The following COL21A1 variants were observed in gnomAD, a reference collection of about 807,000 sequenced individuals.
The protein encoded by COL21A1 is collagen alpha-1(XXI) chain.
Under a neutral mutation model 137.9 loss-of-function variants are expected in COL21A1, and 149 were observed. The ratio of observed to expected loss-of-function variants is 1.08; its 90% confidence interval spans 0.95 to 1.24. The LOEUF is 1.24. Among genes scored for constraint, COL21A1 ranks in the 50% most tolerant of loss-of-function variants. COL21A1 has a pLI of 0.00. For synonymous variants in COL21A1, 456 were observed against 391.5 expected (o/e 1.16, Z -1.95); for missense variants, 1,167 against 1,158.4 (o/e 1.01, Z -0.11).
intron 1 of COL21A1, among the ~76,000 whole-genome samples, chr6:56,242,814 A>T (rs1782413831): frequency 1.3e-5 from 2 of 152,182 alleles, no homozygotes; most frequent in African/African-American, 4.8e-5. Context: ...GTGCTCTTTA[A>T]TTAAAGAAAT....
At chr6:56,188,255 G>A (rs1221368832) in intron 1 of COL21A1, among the ~76,000 whole-genome samples, 1 of 152,108 alleles carries the variant, frequency 6.6e-6, no homozygotes, top group Non-Finnish European at 1.5e-5. Context: ...TTAAACTATG[G>A]CCAATGATTT....
intron 16 of COL21A1, 148 bp downstream of exon 16, chr6:56,123,914 T>A (rs1313228218): frequency 6.1e-6 from 4 of 651,398 alleles, no homozygotes; most frequent in Non-Finnish European, 1.0e-5. Context: ...GTAGCATTTT[T>A]AAATTACACG....
At chr6:56,117,052 C>A (rs1771998004) in intron 16 of COL21A1, among the ~76,000 whole-genome samples, 2 of 151,918 alleles carry the variant, frequency 1.3e-5, no homozygotes, top group African/African-American at 4.8e-5. Context: ...GACCAAAATA[C>A]AACCAGAAAA....
At chr6:56,061,577 T>C (rs1359753002) in intron 25 of COL21A1, 72 bp downstream of exon 25, 4 of 934,336 alleles carry the variant, frequency 4.3e-6, no homozygotes, top group Non-Finnish European at 6.4e-6. Flanking sequence ...GCTAGATTTA[T>C]ATAGTATTGA....
chr6:56,376,096 C>G (rs1271426949), intron 1 of COL21A1, among the ~76,000 whole-genome samples: 1 of 152,110 alleles, frequency 6.6e-6, no homozygotes, highest in African/African-American at 2.4e-5. Flanking sequence ...ACAAGGAGTG[C>G]TCAAGAAGTG....
At chr6:56,182,174 G>A (rs1443135440) in intron 2 of COL21A1, among the ~76,000 whole-genome samples, 4 of 152,144 alleles carry the variant, frequency 2.6e-5, no homozygotes, top group Non-Finnish European at 2.9e-5. Flanking sequence ...GATGTACTGT[G>A]CTAAGCCTTT....
At chr6:56,252,459 A>T (rs181430695), upstream of COL21A1, among the ~76,000 whole-genome samples, 176 of 152,056 alleles carry the variant, frequency 1.2e-3, no homozygotes, top group African/African-American at 4.1e-3. Flanking sequence ...TTTATTTTTT[A>T]AAAAATGAAT....
At chr6:56,325,841 T>C (rs1331992469) in intron 1 of COL21A1, among the ~76,000 whole-genome samples, 1 of 922 alleles carries the variant, frequency 1.1e-3, no homozygotes, top group African/African-American at 1.1e-3. Context: ...ATACATATTA[T>C]ATATAATATA....
At chr6:56,158,378 T>A (rs1561928634) in intron 9 of COL21A1, among the ~76,000 whole-genome samples, 2 of 145,514 alleles carry the variant, frequency 1.4e-5, no homozygotes, top group South Asian at 2.3e-4. Flanking sequence ...GCTCAAGTGA[T>A]CCTTCCACCT....
chr6:56,379,787 T>G (rs1205617250), intron 1 of COL21A1, among the ~76,000 whole-genome samples: 4 of 152,322 alleles, frequency 2.6e-5, no homozygotes, highest in African/African-American at 9.6e-5. Context: ...TCACTATCTC[T>G]TCAACACAAT....
In COL21A1 at chr6:56,196,126, T is replaced by A. The variant is rs1666298716; in HGVS notation, c.-38-13470A>T. Among the ~76,000 whole-genome samples, 4 of 152,122 alleles carry A rather than the reference T, an allele frequency of 2.6e-5. No individual in the cohort carries two copies. In the South Asian group the frequency reaches 8.3e-4, roughly 31 times the overall value. On this transcript the variant is annotated intron_variant, in intron 1 of 29. Coordinates refer to ENST00000244728, the MANE Select transcript of COL21A1 (RefSeq NM_030820.4). ...AACAAAGAATAAAATTATACGATCA[T>A]CTAAATACATACCAAAACAAAAGCA...
At chr6:56,126,599 A>G (rs1773067167) in intron 12 of COL21A1, 1 of 155,650 alleles carries the variant, frequency 6.4e-6, no homozygotes, top group Non-Finnish European at 1.4e-5. Flanking sequence ...TTATCTTACT[A>G]ATTACTCATA....
intron 12 of COL21A1, among the ~76,000 whole-genome samples, chr6:56,134,093 G>C (rs189409813): frequency 4.2e-4 from 64 of 152,170 alleles, no homozygotes; most frequent in Non-Finnish European, 7.4e-4. Context: ...TATATCTACC[G>C]ATAGCTTGCA....
chr6:56,060,453 A>G (rs1765694651), intron 27 of COL21A1: 1 of 511,374 alleles, frequency 2.0e-6, no homozygotes, highest in South Asian at 3.3e-5. Flanking sequence ...TGCCCCCAAA[A>G]GAAATTGGTG....
intron 1 of COL21A1, among the ~76,000 whole-genome samples, chr6:56,323,439 G>A (rs149792601): frequency 2.2e-4 from 34 of 152,222 alleles, no homozygotes; most frequent in African/African-American, 7.7e-4. Flanking sequence ...ACCCAGGCTG[G>A]AGTGCAATGG....
chr6:56,192,061 T>C (rs1778720061), intron 1 of COL21A1, among the ~76,000 whole-genome samples: 1 of 152,020 alleles, frequency 6.6e-6, no homozygotes, highest in Admixed American at 6.6e-5. Flanking sequence ...TCTACAACCA[T>C]CTTATCTTTG....
At chr6:56,187,080 T>A (rs1313286463) in intron 1 of COL21A1, among the ~76,000 whole-genome samples, 1 of 152,134 alleles carries the variant, frequency 6.6e-6, no homozygotes, top group Non-Finnish European at 1.5e-5. Context: ...ATACATTTAT[T>A]TTTTATAGTT....
chr6:56,079,550 T>G (rs1448541644), intron 17 of COL21A1, among the ~76,000 whole-genome samples: 1 of 151,542 alleles, frequency 6.6e-6, no homozygotes, highest in African/African-American at 2.4e-5. Context: ...TCAAAGCCCT[T>G]GAGAGCCCAT....
At chr6:56,179,481 A>G (rs1242547426) in intron 3 of COL21A1, 97 bp downstream of exon 3, 1 of 788,438 alleles carries the variant, frequency 1.3e-6, no homozygotes, top group African/African-American at 1.7e-5. Flanking sequence ...ATTAAATATA[A>G]CAATTTACAC....
Sources: gnomAD v4.1 joint callset for allele counts (sites outside exome capture counted in the v4.1 genomes callset) on GRCh38, gnomAD v4.1.1 for gene constraint, MANE v1.5 for transcripts, NCBI Gene and HGNC (gene_info 2026-07-23, HGNC 2026-07-21) for gene names.